PLEC: variants seen among roughly 807,000 people sequenced by gnomAD.
PLEC encodes the protein hemidesmosomal protein 1.
Under a neutral mutation model 392.8 loss-of-function variants are expected in PLEC, and 216 were observed. That is an observed-to-expected ratio of 0.55 (90% CI 0.49 to 0.62). The LOEUF is 0.62. Ranked by LOEUF, PLEC falls within the 20% of genes least tolerant of loss-of-function variation. The pLI is 0.00. For synonymous variants in PLEC, 3,621 were observed against 2,980.6 expected (o/e 1.21, Z -7.00); for missense variants, 6,863 against 6,563.4 (o/e 1.05, Z -1.58).
In PLEC at chr8:143,921,211, G is replaced by C. The variant is rs200653758; in HGVS notation, c.8610C>G (p.Arg2870=). The part of the protein sequence containing the change: ...ENLTYLQLLE[R]CVEDPETGLC... The stretch of plus-strand genomic sequence containing the variant: ...GGCCCGTCTCGGGGTCCTCCACGCA[G>C]CGCTCCAGTAGCTGCAGGTACGTGA... Residue 2870 remains arginine (R), a synonymous_variant, in exon 32 of 32, where the codon CGC becomes CGG. Transcript: ENST00000345136. The C allele has an allele frequency of 1.7e-5, 27 of 1,614,062 alleles. No individual in the cohort carries two copies. In the African/African-American group the frequency reaches 2.7e-4, roughly 16 times the overall value.
At chr8:143,952,181 A>AC (rs1832227765), upstream of PLEC, among the ~76,000 whole-genome samples, 1 of 140,234 alleles carries the variant, frequency 7.1e-6, no homozygotes, top group African/African-American at 3.1e-5. Flanking sequence ...GCAGGCTCCA[A>AC]ACACACACAC....
At chr8:143,928,145 G>A (rs1825910374) in intron 25 of PLEC, among the ~76,000 whole-genome samples, 153 bp from the exon 26 acceptor site, 1 of 152,266 alleles carries the variant, frequency 6.6e-6, no homozygotes, top group Admixed American at 6.5e-5. Flanking sequence ...GCTTGCTTCA[G>A]GAGAAGAACA....
chr8:143,926,703 G>C, intron 30 of PLEC, 81 bp downstream of exon 30: 1 of 1,197,968 alleles, frequency 8.3e-7, no homozygotes, highest in Non-Finnish European at 1.2e-6. Flanking sequence ...GGTGGCCTCA[G>C]GCAGCTCCTG....
chr8:143,940,125 G>A (rs912825662), upstream of PLEC, among the ~76,000 whole-genome samples: 4 of 152,206 alleles, frequency 2.6e-5, no homozygotes, highest in Non-Finnish European at 4.4e-5. Context: ...TGCATGAAGC[G>A]GGGAGCACAC....
chr8:143,950,580 C>T (rs782013609), exon 1 of PLEC: 40 of 1,608,242 alleles, frequency 2.5e-5, no homozygotes, highest in Non-Finnish European at 3.2e-5. Context: ...AGGTTGGTGA[C>T]GCCGGGCACA....
At chr8:143,950,595 G>T (rs923200863) in exon 1 of PLEC, 10 of 1,607,676 alleles carry the variant, frequency 6.2e-6, no homozygotes, top group Non-Finnish European at 7.6e-6. Context: ...GGCACATGGG[G>T]GTGCAAGCTG....
chr8:143,971,665 G>A (rs1833438494), intron 1 of PLEC, among the ~76,000 whole-genome samples: 1 of 152,204 alleles, frequency 6.6e-6, no homozygotes, highest in Non-Finnish European at 1.5e-5. Flanking sequence ...AGGAGACTTG[G>A]GGTACCTGGT....
In PLEC at chr8:143,934,748, GTC is replaced by G. The variant is rs1828508744; in HGVS notation, c.946-20_946-19del. On this transcript the variant is annotated intron_variant, in intron 9 of 31. Coordinates refer to ENST00000345136, the MANE Select transcript of PLEC (RefSeq NM_201384.3). ...CACAGGATCTGCCAGGGACGAGGCT[GTC>G]GGCAACCACGCCGGGCTCTCAGGGC... The G allele has an allele frequency of 6.2e-7, 1 of 1,612,150 alleles. No homozygotes were observed. Among genetic ancestry groups the G allele is most frequent in the African/African-American group, 1.3e-5 (1 of 74,938 alleles).
chr8:143,937,315 C>G, intron 3 of PLEC, 73 bp from the exon 4 acceptor site: 2 of 1,153,624 alleles, frequency 1.7e-6, no homozygotes, highest in Non-Finnish European at 2.6e-6. Flanking sequence ...TGCCCCAAAG[C>G]GCCGCAGCAA....
chr8:143,960,445 C>T (rs570258245), intron 1 of PLEC, among the ~76,000 whole-genome samples: 5 of 151,820 alleles, frequency 3.3e-5, no homozygotes, highest in African/African-American at 1.2e-4. Context: ...GGTGAAACCC[C>T]GTCTCTACTA....
In PLEC at chr8:143,946,349, C is replaced by T. The variant is rs945789195; in HGVS notation, c.523+3835G>A. The T allele has an allele frequency of 1.7e-5, 22 of 1,288,896 alleles. No individual in the cohort carries two copies. In the East Asian group the frequency reaches 5.5e-4, roughly 33 times the overall value. 79.8% of individuals were successfully genotyped at this position (1,288,896 alleles called of 1,614,324 possible). ...ACAGCCCCCAGCTCTGCCTGCCCTA[C>T]CTTGGCCCAGCTGAATCAGCTCCTC... is the stretch of plus-strand genomic sequence containing the variant. On this transcript the variant is annotated intron_variant, in intron 1 of 31. Transcript: ENST00000322810.
At chr8:143,945,618 C>T (rs976871738) in intron 1 of PLEC, among the ~76,000 whole-genome samples, 6 of 152,224 alleles carry the variant, frequency 3.9e-5, no homozygotes, top group Admixed American at 1.3e-4. Flanking sequence ...AAGTCCTATA[C>T]CATGAAGGCC....
At position 143,932,732 on chromosome 8, in the gene PLEC, G is replaced by C. The variant is rs782556857; in HGVS notation, c.1738-20C>G. The C allele has an allele frequency of 5.6e-6, 9 of 1,607,928 alleles. No individual in the cohort carries two copies. In the South Asian group the frequency reaches 8.9e-5, roughly 16 times the overall value. Reference sequence around the variant, plus strand: ...CTGGCCCTGCAACAGATGAGACGGTGAGGTCTGCAGTGGCTGGGCCCGGCC... The same window carrying C: ...CTGGCCCTGCAACAGATGAGACGGTCAGGTCTGCAGTGGCTGGGCCCGGCC... On this transcript the variant is annotated intron_variant, in intron 14 of 31. Coordinates refer to ENST00000345136, the MANE Select transcript of PLEC (RefSeq NM_201384.3).
At position 143,934,004 on chromosome 8, in the gene PLEC, C is replaced by T; in HGVS notation, c.1257G>A (p.Leu419=). ...CTGCCCCACACCCCCTCACCGACTG[C>T]AGCAGGGCGTCGGCCTGGTTCAGCT... ...EEQLNQADAL[L]QSDVRLLAAG... is the part of the protein sequence containing the mutation. The change falls in exon 12 of 32, where the codon CTG becomes CTA. Residue 419 remains leucine (L), a synonymous_variant. Coordinates refer to ENST00000345136, the MANE Select transcript of PLEC (RefSeq NM_201384.3). 2 of 1,605,910 alleles carry T rather than the reference C, an allele frequency of 1.2e-6. No individual in the cohort carries two copies. The highest frequency in any genetic ancestry group is 1.7e-6 in the Non-Finnish European group (2 of 1,178,668).
chr8:143,935,370 A>G lies in PLEC; in HGVS notation c.603-57T>C, dbSNP rs1234077576. On this transcript the variant is annotated intron_variant, in intron 6 of 31. Coordinates refer to ENST00000345136, the MANE Select transcript of PLEC (RefSeq NM_201384.3). ...GGGACAAGACCAGCGGCCACACCAC[A>G]CAGGCGGGTGCACAGGCCGGCTCCT... is the stretch of plus-strand genomic sequence containing the variant. The G allele has an allele frequency of 4.9e-6, 6 of 1,227,728 alleles. No individual in the cohort carries two copies. In the African/African-American group the frequency reaches 5.9e-5, roughly 12 times the overall value. 76.1% of individuals were successfully genotyped at this position (1,227,728 alleles called of 1,614,324 possible).
At chr8:143,972,263 G>A (rs1207414955) in intron 1 of PLEC, among the ~76,000 whole-genome samples, 1 of 152,232 alleles carries the variant, frequency 6.6e-6, no homozygotes, top group African/African-American at 2.4e-5. Context: ...GGCCGGCCAT[G>A]TAGAGCATGA....
chr8:143,947,115 C>T lies in PLEC; in HGVS notation c.523+3069G>A, dbSNP rs190247482. 1.6e-3 allele frequency among the ~76,000 whole-genome samples: 247 copies of T among 152,354 alleles called. 3 individuals are homozygous for T. Among genetic ancestry groups the T allele is most frequent in the East Asian group, 0.015 (76 of 5,178 alleles). ...CCAGTGATCCCTGTGGAAAGCTGGC[C>T]GGGCCATAGTCCCTCCACCTAGAGC... On this transcript the variant is annotated intron_variant, in intron 1 of 31. Transcript: ENST00000322810.
rs1554712145 is a variant in PLEC at position 143,929,831 on chromosome 8, T to C, written c.2740-2A>G. The C allele has an allele frequency of 6.3e-7, 1 of 1,599,448 alleles. No homozygotes were observed. Among genetic ancestry groups the C allele is most frequent in the Admixed American group, 1.7e-5 (1 of 59,884 alleles). On this transcript the variant is annotated splice_acceptor_variant, in intron 22 of 31. Transcript: ENST00000345136. LOFTEE classifies it high-confidence loss of function. ...CTCCTCTGGCTTCAGGGTGCGGAACTGGGGGAAGCACGTGGGGCTGAGTGC... is the reference window on the plus strand; with the variant it reads ...CTCCTCTGGCTTCAGGGTGCGGAACCGGGGGAAGCACGTGGGGCTGAGTGC...
Position 143,925,364 on chromosome 8 carries a change from T to A in PLEC, c.4565A>T (p.Lys1522Met). 6.4e-7 allele frequency: 1 copy of A among 1,558,280 alleles called. No individual in the cohort carries two copies. Among genetic ancestry groups the A allele is most frequent in the Non-Finnish European group, 8.6e-7 (1 of 1,159,538 alleles). The change falls in exon 31 of 32, where the codon AAG (lysine) becomes ATG (methionine). Residue 1522 changes from lysine (K) to methionine (M), a missense_variant. Transcript: ENST00000345136. ...CTCGCGCGCCGCCTCGGCCTCGGCC[T>A]TCACGCGCGAGGCCAGCTCCACCTC... ...QAEVELASRV[K>M]AEAEAAREKQ...
Sources: gnomAD v4.1 joint callset for allele counts (sites outside exome capture counted in the v4.1 genomes callset) on GRCh38, gnomAD v4.1.1 for gene constraint, MANE v1.5 for transcripts, NCBI Gene and HGNC (gene_info 2026-07-23, HGNC 2026-07-21) for gene names.